SGCZ: variants seen among roughly 807,000 people sequenced by gnomAD.
The protein encoded by SGCZ is zeta-sarcoglycan.
In SGCZ, 40 loss-of-function variants were observed where a neutral mutation model predicts 41.3. The ratio of observed to expected loss-of-function variants is 0.97; its 90% CI spans 0.75 to 1.26. SGCZ has a LOEUF of 1.26. SGCZ is among the 50% of genes most tolerant of loss of function. The pLI, the probability that SGCZ is intolerant of heterozygous loss-of-function variation, is 0.00. For missense variants in SGCZ, 552 were observed against 369.8 expected, an observed-to-expected ratio of 1.49 and a Z score of -4.04; for synonymous variants, 206 against 137.5, an observed-to-expected ratio of 1.50 and a Z score of -3.49.
At chr8:14,312,212 G>A (rs900218906) in intron 3 of SGCZ, among the ~76,000 whole-genome samples, 4 of 152,124 alleles carry the variant, frequency 2.6e-5, no homozygotes, top group African/African-American at 4.8e-5. Flanking sequence ...CGTTCAGAAC[G>A]TGTAAAATGT....
At chr8:14,109,384 G>A (rs574920034) in intron 5 of SGCZ, among the ~76,000 whole-genome samples, 1 of 152,126 alleles carries the variant, frequency 6.6e-6, no homozygotes, top group South Asian at 2.1e-4. Context: ...TTCCAAATAA[G>A]ATGACATTGA....
intron 5 of SGCZ, among the ~76,000 whole-genome samples, chr8:14,145,783 G>T (rs1243324971): frequency 2.6e-5 from 4 of 152,128 alleles, no homozygotes; most frequent in Non-Finnish European, 5.9e-5. Flanking sequence ...AGGAATCCTG[G>T]AGCTGAAAAA....
chr8:14,884,551 G>C (rs1386526568), intron 1 of SGCZ, among the ~76,000 whole-genome samples: 1 of 151,780 alleles, frequency 6.6e-6, no homozygotes, highest in Non-Finnish European at 1.5e-5. Context: ...GATTACTAAA[G>C]TTTCCTACAA....
chr8:14,849,240 G>T (rs1447543057), intron 1 of SGCZ, among the ~76,000 whole-genome samples: 1 of 151,930 alleles, frequency 6.6e-6, no homozygotes, highest in Non-Finnish European at 1.5e-5. Context: ...TGTAAAACAA[G>T]AAATCTTTTT....
intron 2 of SGCZ, among the ~76,000 whole-genome samples, chr8:14,344,193 G>T (rs1358050208): frequency 1.3e-5 from 2 of 152,114 alleles, no homozygotes; most frequent in African/African-American, 4.8e-5. Context: ...AAGTGAATAG[G>T]GGTACAGAGG....
At chr8:14,511,706 C>T (rs565473531) in intron 2 of SGCZ, among the ~76,000 whole-genome samples, 1 of 152,118 alleles carries the variant, frequency 6.6e-6, no homozygotes, top group South Asian at 2.1e-4. Context: ...AAGAAAAGGA[C>T]GTTAAAAATC....
At chr8:14,610,135 CCA>C (rs1805879814) in intron 1 of SGCZ, among the ~76,000 whole-genome samples, 1 of 152,064 alleles carries the variant, frequency 6.6e-6, no homozygotes, top group South Asian at 2.1e-4. Context: ...TTTGCAGAGA[CCA>C]GTCTTTTAAG....
intron 1 of SGCZ, among the ~76,000 whole-genome samples, chr8:15,206,746 C>T (rs1413944243): frequency 2.0e-5 from 3 of 151,924 alleles, no homozygotes; most frequent in Non-Finnish European, 4.4e-5. Flanking sequence ...TGCACCCAGC[C>T]GGGCAGAGTC....
At chr8:14,556,260 G>A (rs1396174285) in intron 1 of SGCZ, among the ~76,000 whole-genome samples, 1 of 151,506 alleles carries the variant, frequency 6.6e-6, no homozygotes. Flanking sequence ...TTTTTTCTCA[G>A]ATTGCTTTTA....
At chr8:15,172,155 T>TC (rs1799852557) in intron 1 of SGCZ, among the ~76,000 whole-genome samples, 1 of 59,298 alleles carries the variant, frequency 1.7e-5, no homozygotes, top group Admixed American at 1.7e-4. Flanking sequence ...TTATACTCTG[T>TC]TTTTTTTTTT....
At chr8:14,551,371 G>C (rs1372171635) in intron 2 of SGCZ, among the ~76,000 whole-genome samples, 1 of 129,056 alleles carries the variant, frequency 7.7e-6, no homozygotes, top group African/African-American at 2.8e-5. Context: ...CAACCAAATA[G>C]CAATTGATAA....
chr8:14,251,015 G>A (rs1318681290), intron 3 of SGCZ, among the ~76,000 whole-genome samples: 1 of 152,128 alleles, frequency 6.6e-6, no homozygotes, highest in African/African-American at 2.4e-5. Context: ...ATCACCTGAG[G>A]TCAGGAGCTC....
At chr8:14,523,314 A>C (rs1385466174) in intron 2 of SGCZ, among the ~76,000 whole-genome samples, 1 of 152,000 alleles carries the variant, frequency 6.6e-6, no homozygotes, top group Non-Finnish European at 1.5e-5. Flanking sequence ...TTCTACTTAG[A>C]GAACTACCTT....
At chr8:14,315,950 A>G (rs1166014985) in intron 3 of SGCZ, among the ~76,000 whole-genome samples, 2 of 151,792 alleles carry the variant, frequency 1.3e-5, no homozygotes, top group Non-Finnish European at 2.9e-5. Context: ...TGTCTATGTA[A>G]AGGGAAAATT....
chr8:14,273,182 T>A (rs926651194), intron 3 of SGCZ, among the ~76,000 whole-genome samples: 12 of 152,074 alleles, frequency 7.9e-5, no homozygotes, highest in Non-Finnish European at 4.4e-5. Context: ...ACAAAAATAT[T>A]GATAAAAAGA....
intron 1 of SGCZ, among the ~76,000 whole-genome samples, chr8:15,228,099 T>C (rs533025809): frequency 2.6e-5 from 4 of 152,382 alleles, no homozygotes; most frequent in Admixed American, 2.0e-4. Flanking sequence ...AAGTCAGTTG[T>C]GTTTTTATTT....
At chr8:14,954,927 T>C (rs898387233) in intron 1 of SGCZ, among the ~76,000 whole-genome samples, 25 of 152,208 alleles carry the variant, frequency 1.6e-4, no homozygotes, top group African/African-American at 5.5e-4. Context: ...TAACAGCTTA[T>C]AATTCAAGTT....
chr8:14,621,938 C>T (rs926847470), intron 1 of SGCZ, among the ~76,000 whole-genome samples: 2 of 152,096 alleles, frequency 1.3e-5, no homozygotes, highest in Admixed American at 6.6e-5. Context: ...CCAAACCATA[C>T]AGACTTATGG....
intron 1 of SGCZ, among the ~76,000 whole-genome samples, chr8:15,196,555 C>T (rs1041108137): frequency 5.5e-5 from 7 of 128,286 alleles, no homozygotes; most frequent in Non-Finnish European, 1.8e-5. Context: ...TAAGACTTGC[C>T]AAAGTTTTCA....
Sources: allele counts gnomAD v4.1 joint callset (sites outside exome capture counted in the v4.1 genomes callset), GRCh38; gene constraint gnomAD v4.1.1; transcripts MANE v1.5; gene names NCBI Gene and HGNC (gene_info 2026-07-23, HGNC 2026-07-21).